The following CCDC171 variants were observed in gnomAD, a reference collection of about 807,000 sequenced individuals.
The protein encoded by CCDC171 is coiled-coil domain containing 171.
Under a neutral mutation model 168.2 loss-of-function variants are expected in CCDC171, and 177 were observed. The observed-to-expected ratio is 1.05, with a 90% CI of 0.93 to 1.19. CCDC171 has a LOEUF of 1.19. CCDC171 is among the 50% of genes most tolerant of loss of function. The pLI is 0.00. For missense variants in CCDC171, 1,991 were observed against 1,539.0 expected (o/e 1.29, Z -4.91); for synonymous variants, 687 against 540.8 (o/e 1.27, Z -3.75).
At chr9:15,631,875 T>C (rs1203171603) in intron 7 of CCDC171, among the ~76,000 whole-genome samples, 1 of 152,124 alleles carries the variant, frequency 6.6e-6, no homozygotes, top group East Asian at 1.9e-4. Flanking sequence ...TATATGCAAA[T>C]CAATAAATGT....
chr9:15,827,271 A>G (rs7019678), intron 21 of CCDC171, among the ~76,000 whole-genome samples: 69,676 of 151,562 alleles, frequency 0.46, 16,275 homozygotes, highest in African/African-American at 0.53. Context: ...TGTGTGTGGA[A>G]GGGGGGACAT....
intron 21 of CCDC171, among the ~76,000 whole-genome samples, chr9:15,830,469 A>G (rs1294947934): frequency 1.3e-5 from 2 of 152,204 alleles, no homozygotes; most frequent in African/African-American, 2.4e-5. Flanking sequence ...TTTCCCCTAA[A>G]CAAACAAAAC....
At chr9:16,007,415 G>T (rs1295548629) in intron 3 of CCDC171, among the ~76,000 whole-genome samples, 1 of 152,152 alleles carries the variant, frequency 6.6e-6, no homozygotes, top group Non-Finnish European at 1.5e-5. Context: ...TTCTTTTGCT[G>T]TGCAGAAGCT....
chr9:16,055,062 GGAT>G (rs1833816292), intron 1 of CCDC171, among the ~76,000 whole-genome samples: 2 of 152,138 alleles, frequency 1.3e-5, no homozygotes, highest in African/African-American at 4.8e-5. Flanking sequence ...TGGGAAGGTA[GGAT>G]TTGAGGAATT....
chr9:15,678,942 A>T lies in CCDC171; in HGVS notation c.1215+46A>T, dbSNP rs201001529. On this transcript the variant is annotated intron_variant, in intron 10 of 25. Transcript: ENST00000380701. The stretch of plus-strand genomic sequence containing the variant: ...CCTATGGAAATCACTTTATTAGGTC[A>T]TATTGGATGTATAGCAGGGTTTTTC... 4.3e-6 allele frequency: 6 copies of T among 1,393,982 alleles called. 1 individual carries two copies. The South Asian group carries it at 8.0e-5, about 19-fold the overall frequency. 86.4% of individuals were successfully genotyped at this position (1,393,982 alleles called of 1,614,324 possible).
rs2058609465 is a variant in CCDC171 at position 15,797,355 on chromosome 9, T to G, written c.3267+12661T>G. Among the ~76,000 whole-genome samples, 3 of 152,230 alleles carry G rather than the reference T, an allele frequency of 2.0e-5. No homozygotes were observed. The South Asian group carries it at 6.2e-4, about 32-fold the overall frequency. ...TCTCAGCCTCTCAAGTAGCTAGGAC[T>G]ACAGGCGCATGCCACCATGCCAGCT... On this transcript the variant is annotated intron_variant, in intron 21 of 25. Transcript: ENST00000380701.
rs1259065812 is a variant in CCDC171 at position 15,778,969 on chromosome 9, A to G, written c.2900A>G (p.Lys967Arg). 4 of 1,500,334 alleles carry G rather than the reference A, an allele frequency of 2.7e-6. No individual in the cohort carries two copies. The highest frequency in any genetic ancestry group is 3.6e-6 in the Non-Finnish European group (4 of 1,124,580). 92.9% of individuals were successfully genotyped at this position (1,500,334 alleles called of 1,614,324 possible). Residue 967 changes from lysine (K) to arginine (R), a missense_variant and splice_region_variant, in exon 20 of 26, where the codon AAA (lysine) becomes AGA (arginine). Transcript: ENST00000380701. ...YGLRGHVPIT[K>R]STASLQKQIL... ...AAAATTGCTCTTGTTTAACAACAGA[A>G]AAGCACAGCATCGTTGCAGAAGCAA...
chr9:15,699,618 G>C (rs567626096), intron 11 of CCDC171, among the ~76,000 whole-genome samples: 1 of 152,008 alleles, frequency 6.6e-6, no homozygotes, highest in Admixed American at 6.6e-5. Context: ...CGACACAAAG[G>C]TTCTCCAAGG....
chr9:15,606,663 A>G (rs1368392679), intron 6 of CCDC171, among the ~76,000 whole-genome samples: 1 of 152,212 alleles, frequency 6.6e-6, no homozygotes, highest in African/African-American at 2.4e-5. Context: ...TGTATTTTGG[A>G]TTCTGAGAAA....
At chr9:15,964,998 G>T (rs1342279587) in intron 25 of CCDC171, among the ~76,000 whole-genome samples, 1 of 152,078 alleles carries the variant, frequency 6.6e-6, no homozygotes, top group Non-Finnish European at 1.5e-5. Flanking sequence ...CGTGACTTCA[G>T]GTGATCTTCC....
chr9:15,917,314 A>G (rs757959287), intron 24 of CCDC171, among the ~76,000 whole-genome samples: 4 of 151,904 alleles, frequency 2.6e-5, no homozygotes, highest in African/African-American at 4.8e-5. Flanking sequence ...TATACATATT[A>G]GTAACATGAA....
intron 25 of CCDC171, 90 bp from the exon 26 acceptor site, chr9:15,971,519 T>G: frequency 1.4e-6 from 1 of 737,386 alleles, no homozygotes. Context: ...ATTATAATGA[T>G]TATTAGTCTA....
At position 15,955,335 on chromosome 9, in the gene CCDC171, G is replaced by T. The variant is rs1319783002; in HGVS notation, c.3754-16274G>T. ...AGGATGCTGGCCCTTTAAATTCCCT[G>T]GATGTCACTTCAGCTGAGGGGGAGT... On this transcript the variant is annotated intron_variant, in intron 25 of 25. Transcript: ENST00000380701. Among the ~76,000 whole-genome samples, 4 of 152,230 alleles carry T rather than the reference G, an allele frequency of 2.6e-5. No homozygotes were observed. The East Asian group carries it at 7.7e-4, about 29-fold the overall frequency.
At chr9:15,628,486 G>C (rs2045367236) in intron 7 of CCDC171, among the ~76,000 whole-genome samples, 1 of 152,218 alleles carries the variant, frequency 6.6e-6, no homozygotes, top group East Asian at 1.9e-4. Flanking sequence ...AGGGGCGGCT[G>C]CCATTGCCCA....
rs902027516 is a variant in CCDC171 at position 15,859,290 on chromosome 9, A to G, written c.3468+10343A>G. Among the ~76,000 whole-genome samples, 6 of 151,844 alleles carry G rather than the reference A, an allele frequency of 4.0e-5. 1 individual carries two copies. Among genetic ancestry groups the G allele is most frequent in the African/African-American group, 1.5e-4 (6 of 41,348 alleles). On this transcript the variant is annotated intron_variant, in intron 23 of 25. Transcript: ENST00000380701. ...ATTGTGCTTTTGAATTCAGTTGCTA[A>G]TATTTTGTTGAGGATTTTTAGATCT...
intron 1 of CCDC171, chr9:15,553,530 C>CCAGAGGGGAGG (rs2132336883): frequency 6.6e-6 from 1 of 152,554 alleles, no homozygotes; most frequent in African/African-American, 2.4e-5. Flanking sequence ...CGGATGGGGA[C>CCAGAGGGGAGG]CAGAGGGGAG....
At chr9:16,075,547 C>A in the CCDC171 span, among the ~76,000 whole-genome samples, 1 of 152,068 alleles carries the variant, frequency 6.6e-6, no homozygotes. Context: ...CCTTTAGGGG[C>A]AACAGCTACT....
At chr9:15,922,478 G>T (rs915271539) in intron 25 of CCDC171, among the ~76,000 whole-genome samples, 1 of 151,550 alleles carries the variant, frequency 6.6e-6, no homozygotes, top group Admixed American at 6.6e-5. Flanking sequence ...TATCCATTAG[G>T]AATACTATCA....
At chr9:16,011,216 A>T (rs2132986001) in intron 3 of CCDC171, among the ~76,000 whole-genome samples, 1 of 152,176 alleles carries the variant, frequency 6.6e-6, no homozygotes, top group South Asian at 2.1e-4. Flanking sequence ...GAGGATGCTA[A>T]AATGCTGGGT....
Sources: gnomAD v4.1 joint callset for allele counts (sites outside exome capture counted in the v4.1 genomes callset) on GRCh38, gnomAD v4.1.1 for gene constraint, MANE v1.5 for transcripts, NCBI Gene and HGNC (gene_info 2026-07-23, HGNC 2026-07-21) for gene names.